ZNF385D: variants seen among roughly 807,000 people sequenced by gnomAD.
The protein encoded by ZNF385D is zinc finger protein 385D.
Under a neutral mutation model 35.8 loss-of-function variants are expected in ZNF385D, and 15 were observed. That is an observed-to-expected ratio of 0.42 (90% CI 0.28 to 0.64). The LOEUF (loss-of-function observed/expected upper bound fraction) is 0.64. Among genes scored for constraint, ZNF385D ranks in the 30% least tolerant of loss-of-function variants. The pLI, the probability that ZNF385D is intolerant of heterozygous loss-of-function variation, is 0.23. For synonymous variants in ZNF385D, 212 were observed against 186.8 expected (o/e 1.13, Z -1.10); for missense variants, 474 against 494.6 (o/e 0.96, Z 0.39).
intron 2 of ZNF385D, among the ~76,000 whole-genome samples, chr3:22,275,538 C>T (rs552157905): frequency 9.2e-5 from 14 of 152,196 alleles, no homozygotes; most frequent in African/African-American, 3.4e-4. Context: ...CTCTACTAAT[C>T]CTGGAGTCAT....
rs557496996 is a variant in ZNF385D, at chr3:21,989,150, G to C, written c.325+179667C>G. Among the ~76,000 whole-genome samples the C allele has an allele frequency of 3.9e-5, 6 of 152,288 alleles. No individual in the cohort carries two copies. The South Asian group carries it at 1.2e-3, about 32-fold the overall frequency. Reference sequence around the variant, plus strand: ...ACGCTGGGAGCTGTAGACCGGAGCTGTTCCTATTCGGCCATCTTGGCTCCT... The same window carrying C: ...ACGCTGGGAGCTGTAGACCGGAGCTCTTCCTATTCGGCCATCTTGGCTCCT... On this transcript the variant is annotated intron_variant, in intron 3 of 5. Coordinates refer to the ZNF385D transcript ENST00000494108.
intron 2 of ZNF385D, among the ~76,000 whole-genome samples, chr3:22,233,829 T>G (rs371300470): frequency 1.3e-5 from 2 of 152,274 alleles, no homozygotes; most frequent in South Asian, 4.1e-4. Flanking sequence ...TGTACTCATA[T>G]TCTGGTATTA....
Position 21,712,797 on chromosome 3 carries a change from A to C in ZNF385D, c.22+38098T>G, listed in dbSNP as rs1575512826. Among the ~76,000 whole-genome samples, 3 of 152,318 alleles carry C rather than the reference A, an allele frequency of 2.0e-5. No homozygotes were observed. In the South Asian group the frequency reaches 6.2e-4, roughly 32 times the overall value. On this transcript the variant is annotated intron_variant, in intron 1 of 7. Transcript: ENST00000281523. ...CAAATACAGTTCTCTCTACTCTATC[A>C]AGAGTAATTTATTTCTTAAATCTAC...
chr3:21,501,984 C>T (rs913670818), intron 4 of ZNF385D, among the ~76,000 whole-genome samples: 1 of 152,170 alleles, frequency 6.6e-6, no homozygotes, highest in Admixed American at 6.5e-5. Context: ...CAGTCAAAAA[C>T]ACACTGTATA....
intron 4 of ZNF385D, among the ~76,000 whole-genome samples, chr3:21,442,590 G>T (rs1452049478): frequency 2.6e-5 from 4 of 151,546 alleles, no homozygotes; most frequent in African/African-American, 7.3e-5. Flanking sequence ...AATTTATTGA[G>T]CCCATACCAC....
chr3:21,924,394 A>T (rs920043849), intron 3 of ZNF385D, among the ~76,000 whole-genome samples: 2 of 152,198 alleles, frequency 1.3e-5, no homozygotes, highest in Non-Finnish European at 2.9e-5. Flanking sequence ...AAGAGTGCAG[A>T]TGAAAAAAGC....
chr3:22,024,320 C>CGT lies in ZNF385D; in HGVS notation c.325+144495_325+144496dup, dbSNP rs763027775. Among the ~76,000 whole-genome samples, 12 of 151,662 alleles carry CGT rather than the reference C, an allele frequency of 7.9e-5. No homozygotes were observed. The East Asian group carries it at 9.7e-4, about 12-fold the overall frequency. On this transcript the variant is annotated intron_variant, in intron 3 of 5. Transcript: ENST00000494108. ...TAATAAACTCCCCTATATATGTGTG[C>CGT]GTGTGTGTGTATGATAGGATACCTA...
intron 3 of ZNF385D, among the ~76,000 whole-genome samples, chr3:22,122,745 C>G (rs902066964): frequency 6.6e-6 from 1 of 152,116 alleles, no homozygotes; most frequent in African/African-American, 2.4e-5. Context: ...GAGACGGTGA[C>G]ATTCGAGTCA....
intron 3 of ZNF385D, among the ~76,000 whole-genome samples, chr3:22,104,320 G>A (rs866279297): frequency 6.6e-6 from 1 of 151,432 alleles, no homozygotes; most frequent in African/African-American, 2.4e-5. Context: ...GCTACCAAAG[G>A]CTCCTTGAAA....
chr3:21,674,677 T>A (rs2066670647), intron 1 of ZNF385D, among the ~76,000 whole-genome samples: 1 of 152,132 alleles, frequency 6.6e-6, no homozygotes, highest in Non-Finnish European at 1.5e-5. Flanking sequence ...CTATTCAGTA[T>A]TTCCTGGACA....
chr3:21,990,690 A>G (rs549777195), intron 3 of ZNF385D, among the ~76,000 whole-genome samples: 1 of 152,330 alleles, frequency 6.6e-6, no homozygotes, highest in South Asian at 2.1e-4. Context: ...AGTTACAGAA[A>G]TCTTGAGTCT....
chr3:21,904,326 A>C (rs891324692), intron 3 of ZNF385D, among the ~76,000 whole-genome samples: 3 of 149,386 alleles, frequency 2.0e-5, no homozygotes, highest in Non-Finnish European at 4.4e-5. Context: ...AAAAAAAAGA[A>C]TTGGTAAAGC....
intron 2 of ZNF385D, among the ~76,000 whole-genome samples, chr3:22,184,966 G>A (rs927164899): frequency 6.6e-6 from 1 of 151,386 alleles, no homozygotes; most frequent in African/African-American, 2.4e-5. Flanking sequence ...ATCCTGCCTT[G>A]TCCTGAGTTT....
intron 3 of ZNF385D, among the ~76,000 whole-genome samples, chr3:21,857,022 A>T (rs1429477608): frequency 6.6e-6 from 1 of 152,082 alleles, no homozygotes; most frequent in Admixed American, 6.6e-5. Flanking sequence ...TATTCGAAGC[A>T]GAAATGCAAT....
At chr3:21,768,616 C>A (rs1234826836) in intron 3 of ZNF385D, among the ~76,000 whole-genome samples, 1 of 152,018 alleles carries the variant, frequency 6.6e-6, no homozygotes, top group Non-Finnish European at 1.5e-5. Flanking sequence ...ATAAATTGCA[C>A]ATAGCTCATA....
intron 1 of ZNF385D, among the ~76,000 whole-genome samples, chr3:21,681,572 T>C (rs930699557): frequency 6.6e-6 from 1 of 151,088 alleles, no homozygotes; most frequent in Non-Finnish European, 1.5e-5. Flanking sequence ...CAAATATACA[T>C]CACAGTTAAA....
At chr3:22,349,710 C>A (rs1022281238) in intron 2 of ZNF385D, among the ~76,000 whole-genome samples, 2 of 152,114 alleles carry the variant, frequency 1.3e-5, no homozygotes, top group African/African-American at 2.4e-5. Flanking sequence ...CATAAATCAA[C>A]AGGACACATG....
chr3:21,984,192 G>A (rs1255044557), intron 3 of ZNF385D, among the ~76,000 whole-genome samples: 1 of 145,634 alleles, frequency 6.9e-6, no homozygotes, highest in Non-Finnish European at 1.5e-5. Context: ...TGTCAATTTT[G>A]GCTTTTGTTG....
intron 1 of ZNF385D, among the ~76,000 whole-genome samples, chr3:21,725,862 G>A (rs902444338): frequency 2.6e-5 from 4 of 151,910 alleles, no homozygotes; most frequent in Admixed American, 1.3e-4. Context: ...ACCAAAACCC[G>A]GCAGAGACAT....
Sources: allele counts gnomAD v4.1 joint callset (sites outside exome capture counted in the v4.1 genomes callset), GRCh38; gene constraint gnomAD v4.1.1; transcripts MANE v1.5; gene names NCBI Gene and HGNC (gene_info 2026-07-23, HGNC 2026-07-21).